The following TMEM132D variants were observed in gnomAD, a reference collection of about 807,000 sequenced individuals.
TMEM132D encodes the protein transmembrane protein 132D.
A neutral mutation model predicts 62.3 loss-of-function variants in TMEM132D; 21 were observed. The observed-to-expected ratio is 0.34, with a 90% CI of 0.24 to 0.49. The LOEUF (loss-of-function observed/expected upper bound fraction) is 0.49. TMEM132D is among the 20% of genes least tolerant of loss of function. The probability of loss-of-function intolerance (pLI) is 0.99; values close to 1 mark genes in which losing one functional copy is unlikely to be tolerated. For synonymous variants in TMEM132D, 621 were observed against 575.6 expected, an observed-to-expected ratio of 1.08 and a Z score of -1.13; for missense variants, 1,346 against 1,402.8, an observed-to-expected ratio of 0.96 and a Z score of 0.65.
At chr12:129,722,663 T>G (rs2137245430) in intron 1 of TMEM132D, among the ~76,000 whole-genome samples, 1 of 151,972 alleles carries the variant, frequency 6.6e-6, no homozygotes, top group South Asian at 2.1e-4. Context: ...GCTCTGTGAA[T>G]CATGGTCCTG....
intron 5 of TMEM132D, among the ~76,000 whole-genome samples, chr12:129,155,542 G>T (rs560395557): frequency 1.3e-5 from 2 of 152,284 alleles, no homozygotes; most frequent in South Asian, 4.1e-4. Context: ...CTACAGATTG[G>T]GTAATTTATA....
chr12:129,883,060 A>C (rs2137387249), intron 1 of TMEM132D, among the ~76,000 whole-genome samples: 1 of 152,300 alleles, frequency 6.6e-6, no homozygotes, highest in Non-Finnish European at 1.5e-5. Context: ...AAGGGAAAGA[A>C]GGAGGGGTGT....
intron 4 of TMEM132D, among the ~76,000 whole-genome samples, chr12:129,271,460 G>A (rs1482005984): frequency 2.6e-5 from 4 of 151,704 alleles, no homozygotes; most frequent in Non-Finnish European, 5.9e-5. Flanking sequence ...TGTTACACAG[G>A]TATACGTGTA....
At chr12:129,124,600 C>G (rs1284039354) in intron 5 of TMEM132D, among the ~76,000 whole-genome samples, 1 of 152,166 alleles carries the variant, frequency 6.6e-6, no homozygotes, top group Non-Finnish European at 1.5e-5. Context: ...GGCTTCATTG[C>G]TCAACTTCTG....
chr12:129,144,093 C>A lies in TMEM132D; in HGVS notation c.1444-59391G>T, dbSNP rs148945080. Among the ~76,000 whole-genome samples the A allele has an allele frequency of 3.4e-4, 52 of 152,178 alleles. No homozygotes were observed. In the East Asian group the frequency reaches 8.3e-3, roughly 24 times the overall value. ...AGGGCTGAGATGTTACATCCTCCCC[C>A]ACTTCTAGCCCTGTGGTTTAGCTTC... On this transcript the variant is annotated intron_variant, in intron 5 of 8. Transcript: ENST00000422113.
chr12:129,885,268 C>A (rs1299426609), intron 1 of TMEM132D, among the ~76,000 whole-genome samples: 1 of 152,202 alleles, frequency 6.6e-6, no homozygotes, highest in East Asian at 1.9e-4. Flanking sequence ...TTACTCTATG[C>A]AAATTATACT....
chr12:129,188,669 C>A (rs1878285928), intron 5 of TMEM132D, among the ~76,000 whole-genome samples: 2 of 137,610 alleles, frequency 1.5e-5, no homozygotes, highest in Admixed American at 8.1e-5. Context: ...ATTTGAAGGG[C>A]AAAAGATGAA....
At chr12:129,152,648 T>A (rs528767473) in intron 5 of TMEM132D, among the ~76,000 whole-genome samples, 1 of 152,294 alleles carries the variant, frequency 6.6e-6, no homozygotes, top group South Asian at 2.1e-4. Flanking sequence ...GGAGGGAATT[T>A]GGAGCAATCT....
chr12:129,531,351 G>A, intron 2 of TMEM132D, 146 bp from the exon 3 acceptor site: 1 of 964,156 alleles, frequency 1.0e-6, no homozygotes. Flanking sequence ...CAAATTTGCA[G>A]TCGCCTTCCA....
intron 3 of TMEM132D, among the ~76,000 whole-genome samples, chr12:129,501,795 C>T (rs1358831823): frequency 6.6e-6 from 1 of 151,938 alleles, no homozygotes; most frequent in East Asian, 1.9e-4. Context: ...TGTGCACCAC[C>T]ATGCCCCGCC....
chr12:129,229,658 T>A (rs1018471166), intron 4 of TMEM132D, among the ~76,000 whole-genome samples: 4 of 152,230 alleles, frequency 2.6e-5, no homozygotes, highest in Non-Finnish European at 5.9e-5. Context: ...GGAAAGGACA[T>A]AGAAAATTGA....
In TMEM132D at chr12:129,369,013, T is replaced by C. The variant is rs190883014; in HGVS notation, c.1116-31196A>G. ...ACAGCGAGGCGGCACAGCAGAAAGA[T>C]AGAAGGTTGAGACCCTGTGGTATCA... On this transcript the variant is annotated intron_variant, in intron 3 of 8. Coordinates refer to ENST00000422113, the MANE Select transcript of TMEM132D (RefSeq NM_133448.3). Among the ~76,000 whole-genome samples the C allele has an allele frequency of 3.0e-4, 46 of 152,276 alleles. 1 individual carries two copies. In the East Asian group the frequency reaches 8.7e-3, roughly 29 times the overall value.
intron 1 of TMEM132D, among the ~76,000 whole-genome samples, chr12:129,901,710 G>T (rs1458443586): frequency 2.0e-5 from 3 of 152,156 alleles, no homozygotes; most frequent in Admixed American, 6.5e-5. Flanking sequence ...GTCTAATAAA[G>T]AAATCAGTAA....
intron 1 of TMEM132D, among the ~76,000 whole-genome samples, chr12:129,727,265 G>A (rs112469510): frequency 2.0e-5 from 3 of 152,330 alleles, no homozygotes; most frequent in African/African-American, 4.8e-5. Context: ...AAGTTCAAGA[G>A]CATGGCACTG....
rs550150452 is a variant in TMEM132D, at chr12:129,082,006, T to G, written c.1676A>C (p.Glu559Ala). The G allele has an allele frequency of 2.0e-5, 33 of 1,610,862 alleles. 1 individual carries two copies. The East Asian group carries it at 6.5e-4, about 32-fold the overall frequency. Residue 559 changes from glutamate (E) to alanine (A), a missense_variant, in exon 7 of 9, where the codon GAG becomes GCG. Glu to Ala is a moderately radical substitution (Grantham distance 107, BLOSUM62 -1). Transcript: ENST00000422113. ...RRPAGDSEEE[E>A]DDERRGRGCT... ...GCCGCGGCCCCTCCGCTCATCATCCTCCTCCTCTTCACTGTCCCCGGCAGG... is the reference window on the plus strand; with the variant it reads ...GCCGCGGCCCCTCCGCTCATCATCCGCCTCCTCTTCACTGTCCCCGGCAGG...
chr12:129,851,259 A>C (rs1380701937), intron 1 of TMEM132D, among the ~76,000 whole-genome samples: 1 of 152,224 alleles, frequency 6.6e-6, no homozygotes, highest in African/African-American at 2.4e-5. Context: ...TATGCTGAAT[A>C]GTTTCCCAAT....
chr12:129,173,976 G>A (rs1450779092), intron 5 of TMEM132D, among the ~76,000 whole-genome samples: 1 of 152,032 alleles, frequency 6.6e-6, no homozygotes, highest in Admixed American at 6.6e-5. Context: ...TTTAAGTTGT[G>A]GTTCAAGAAA....
chr12:129,669,812 TTAC>T (rs373337606), intron 2 of TMEM132D, among the ~76,000 whole-genome samples: 83 of 152,248 alleles, frequency 5.5e-4, no homozygotes, highest in Middle Eastern at 3.2e-3. Context: ...TACTCATTAT[TTAC>T]TACATTATTT....
intron 5 of TMEM132D, among the ~76,000 whole-genome samples, chr12:129,197,237 A>C (rs1878574432): frequency 6.6e-6 from 1 of 152,202 alleles, no homozygotes. Context: ...TCACTGTAGC[A>C]CAAAAGCAGC....
Sources: gnomAD v4.1 joint callset for allele counts (sites outside exome capture counted in the v4.1 genomes callset) on GRCh38, gnomAD v4.1.1 for gene constraint, MANE v1.5 for transcripts, NCBI Gene and HGNC (gene_info 2026-07-23, HGNC 2026-07-21) for gene names.